NPAS2: variants seen among roughly 807,000 people sequenced by gnomAD.
NPAS2 encodes the protein neuronal PAS domain protein 2.
Under a neutral mutation model 107.5 loss-of-function variants are expected in NPAS2, and 23 were observed. That is an observed-to-expected ratio of 0.21 (90% CI 0.15 to 0.30). NPAS2 has a LOEUF of 0.30. NPAS2 is among the 10% of genes least tolerant of loss of function. The pLI, the probability that NPAS2 is intolerant of heterozygous loss-of-function variation, is 1.00. For missense variants in NPAS2, 756 were observed against 1,043.3 expected, an observed-to-expected ratio of 0.72 and a Z score of 3.79; for synonymous variants, 403 against 417.5, an observed-to-expected ratio of 0.97 and a Z score of 0.42.
At position 100,937,840 on chromosome 2, in the gene NPAS2, C is replaced by G. The variant is rs1684429968; in HGVS notation, c.361C>G (p.Pro121Ala). 2 of 1,611,058 alleles carry G rather than the reference C, an allele frequency of 1.2e-6. No individual in the cohort carries two copies. The highest frequency in any genetic ancestry group is 1.7e-6 in the Non-Finnish European group (2 of 1,177,190). ...DSITPLLGHL[P>A]SDVMDQNLLN... ...TATCACGCCTCTCCTTGGGCATTTA[C>G]CGGTGAGTTTCCACTCCAATGGCCT... The change falls in exon 5 of 21, where the codon CCG (proline) becomes GCG (alanine). Residue 121 changes from proline to alanine, a missense_variant and splice_region_variant. Coordinates refer to ENST00000335681, the MANE Select transcript of NPAS2 (RefSeq NM_002518.4).
intron 7 of NPAS2, among the ~76,000 whole-genome samples, chr2:100,954,674 AAAAAAAG>A (rs1407974466): frequency 1.9e-4 from 23 of 123,002 alleles, no homozygotes; most frequent in African/African-American, 6.5e-4. Flanking sequence ...CAAAAAAAAA[AAAAAAAG>A]AAAAAAAAGA....
chr2:100,924,770 G>A (rs1322800787), intron 2 of NPAS2, among the ~76,000 whole-genome samples: 1 of 152,190 alleles, frequency 6.6e-6, no homozygotes, highest in Non-Finnish European at 1.5e-5. Flanking sequence ...GGATTGAAGG[G>A]GACTTGGTTT....
intron 1 of NPAS2, chr2:100,878,419 G>A (rs759492119): frequency 9.1e-6 from 9 of 985,290 alleles, no homozygotes; most frequent in Non-Finnish European, 9.6e-6. Context: ...TCTTTCCAGC[G>A]TTGGACAAGG....
Position 100,947,126 on chromosome 2 carries a change from G to T in NPAS2, c.364-1109G>T, listed in dbSNP as rs560886556. Among the ~76,000 whole-genome samples, 3 of 152,338 alleles carry T rather than the reference G, an allele frequency of 2.0e-5. No homozygotes were observed. In the East Asian group the frequency reaches 5.8e-4, roughly 29 times the overall value. ...GTGTATACAGATTGTGTTTGAAGCT[G>T]TGAGAGTGGATGGGTTTATTGAGGG... On this transcript the variant is annotated intron_variant, in intron 5 of 20. Coordinates refer to ENST00000335681, the MANE Select transcript of NPAS2 (RefSeq NM_002518.4).
At chr2:100,841,868 C>T (rs1677430131) in intron 1 of NPAS2, among the ~76,000 whole-genome samples, 1 of 152,294 alleles carries the variant, frequency 6.6e-6, no homozygotes, top group East Asian at 1.9e-4. Context: ...TACACATGCA[C>T]ATATGCGCAT....
intron 8 of NPAS2, 134 bp downstream of exon 8, chr2:100,964,310 T>C (rs62152898): frequency 0.018 from 12,813 of 725,662 alleles, 139 homozygotes; most frequent in Non-Finnish European, 0.025. Flanking sequence ...TCGAAGTGTC[T>C]GGCTTCTGTG....
chr2:100,916,928 G>A (rs995112284), intron 2 of NPAS2, among the ~76,000 whole-genome samples: 14 of 152,080 alleles, frequency 9.2e-5, no homozygotes. Context: ...GTAATCCATG[G>A]GTCAAAGAGA....
At chr2:100,861,840 A>G (rs1369205654) in intron 1 of NPAS2, among the ~76,000 whole-genome samples, 1 of 152,212 alleles carries the variant, frequency 6.6e-6, no homozygotes. Flanking sequence ...TGGTATGTGT[A>G]TCAAGAAAAA....
chr2:100,832,163 G>A (rs889254150), intron 1 of NPAS2, among the ~76,000 whole-genome samples: 8 of 152,118 alleles, frequency 5.3e-5, no homozygotes, highest in Non-Finnish European at 1.2e-4. Flanking sequence ...AGGCACATCG[G>A]CATTCTATCA....
rs1353044188 is a variant in NPAS2 at position 100,995,686 on chromosome 2, T to A, written c.*104T>A. The stretch of plus-strand genomic sequence containing the variant: ...GTCTGAACTAAACCCCTGGCTTTTG[T>A]GCACACTGCATACGTTTCAGAACTC... On this transcript the variant is annotated 3_prime_UTR_variant, in exon 21 of 21. Transcript: ENST00000335681. 2 of 1,550,056 alleles carry A rather than the reference T, an allele frequency of 1.3e-6. No individual in the cohort carries two copies. The highest frequency in any genetic ancestry group is 1.7e-6 in the Non-Finnish European group (2 of 1,147,578).
At chr2:100,970,962 C>T (rs1558924225) in intron 11 of NPAS2, 28 bp from the exon 12 acceptor site, 1 of 1,605,778 alleles carries the variant, frequency 6.2e-7, no homozygotes, top group African/African-American at 1.3e-5. Context: ...GCCCCATCTC[C>T]ACTGTGGTCT....
chr2:100,976,428 G>A lies in NPAS2; in HGVS notation c.1392+861G>A, dbSNP rs986997861. Among the ~76,000 whole-genome samples the A allele has an allele frequency of 2.0e-5, 3 of 152,110 alleles. No homozygotes were observed. The highest frequency in any genetic ancestry group is 7.2e-5 in the African/African-American group (3 of 41,432). Reference sequence around the variant, plus strand: ...AGACCTCTGTGACCTAGCCACGGAAGTCATATAGTATCACCACTGCCATAC... The same window carrying A: ...AGACCTCTGTGACCTAGCCACGGAAATCATATAGTATCACCACTGCCATAC... On this transcript the variant is annotated intron_variant, in intron 14 of 20. Coordinates refer to ENST00000335681, the MANE Select transcript of NPAS2 (RefSeq NM_002518.4). The surrounding 1 kb of genome is among the most constrained non-coding windows in gnomAD (Gnocchi z 4.1).
rs1442347686 is a variant in NPAS2, at chr2:100,820,919, T to C, written c.-23+505T>C. The C allele has an allele frequency of 1.5e-6, 1 of 653,218 alleles. No individual in the cohort carries two copies. The highest frequency in any genetic ancestry group is 7.2e-5 in the East Asian group (1 of 13,796). The allele number at this position is 653,218 out of a possible 1,614,324, so 40.5% of individuals were successfully genotyped here. ...GGTCGGAATTGGTTCCGGGCCGGATTGGGTGCGGAATCGGTGCCCCCAACC... is the reference window on the plus strand; with the variant it reads ...GGTCGGAATTGGTTCCGGGCCGGATCGGGTGCGGAATCGGTGCCCCCAACC... On this transcript the variant is annotated intron_variant, in intron 1 of 20. Transcript: ENST00000335681. This position sits in a 1 kb window ranked among gnomAD's most constrained non-coding sequence, Gnocchi z 5.6.
In NPAS2 at chr2:100,964,888, G is replaced by C; in HGVS notation, c.745G>C (p.Glu249Gln). Reference sequence around the variant, plus strand: ...AATGTGCATAGTTGACGAACCTTTAGAGGAATTCACTTCAAGGCATAGCTT... The same window carrying C: ...AATGTGCATAGTTGACGAACCTTTACAGGAATTCACTTCAAGGCATAGCTT... ...KEMCIVDEPLEEFTSRHSLEW... is the reference protein window; with the variant it reads ...KEMCIVDEPLQEFTSRHSLEW... Residue 249 changes from glutamate (E) to glutamine (Q), a missense_variant, in exon 9 of 21, where the codon GAG (glutamate) becomes CAG (glutamine). Coordinates refer to ENST00000335681, the MANE Select transcript of NPAS2 (RefSeq NM_002518.4). 3.2e-6 allele frequency: 5 copies of C among 1,576,092 alleles called. No homozygotes were observed. The highest frequency in any genetic ancestry group is 4.3e-6 in the Non-Finnish European group (5 of 1,170,300).
intron 14 of NPAS2, chr2:100,977,048 A>AAAAACCACTAG (rs1432367769): frequency 6.6e-6 from 1 of 152,118 alleles, no homozygotes; most frequent in Admixed American, 6.5e-5. Context: ...TAAAAAAAAA[A>AAAAACCACTAG]AAAACCACTA....
In NPAS2 at chr2:100,968,575, G is replaced by T. The variant is rs779317046; in HGVS notation, c.1055+147G>T. On this transcript the variant is annotated intron_variant, in intron 11 of 20. Transcript: ENST00000335681. This position sits in a 1 kb window ranked among gnomAD's most constrained non-coding sequence, Gnocchi z 5.3. ...GATGAAGCCCAGGCCATCCCCTGCC[G>T]TTAACAGCACAATTCCCAGAGCTCA... is the stretch of plus-strand genomic sequence containing the variant. 2 of 730,632 alleles carry T rather than the reference G, an allele frequency of 2.7e-6. No individual in the cohort carries two copies. 45.3% of individuals were successfully genotyped at this position (730,632 alleles called of 1,614,324 possible). A position where few individuals can be genotyped will look rare whatever the true frequency, so the allele number is the denominator to read the frequency against.
In NPAS2 at chr2:100,974,889, G is replaced by A. The variant is rs116479799; in HGVS notation, c.1227G>A (p.Ser409=). ...ASGLNTSHSP[S]ASSRSSHKSS... ...GCCTTAATACCAGTCATTCGCCATCGGCGTCCTCAAGAAGTTCCCACAAAT... is the reference window on the plus strand; with the variant it reads ...GCCTTAATACCAGTCATTCGCCATCAGCGTCCTCAAGAAGTTCCCACAAAT... Residue 409 remains serine (S), a synonymous_variant, in exon 13 of 21, where the codon TCG becomes TCA. Coordinates refer to ENST00000335681, the MANE Select transcript of NPAS2 (RefSeq NM_002518.4). 1.3e-3 allele frequency: 2,043 copies of A among 1,614,016 alleles called. 24 individuals are homozygous for A. The African/African-American group carries it at 0.023, about 18-fold the overall frequency.
At chr2:100,827,387 T>G (rs1676453921) in intron 1 of NPAS2, among the ~76,000 whole-genome samples, 1 of 152,200 alleles carries the variant, frequency 6.6e-6, no homozygotes, top group African/African-American at 2.4e-5. Flanking sequence ...TCTTTTAATT[T>G]TTTCGACTTT....
intron 1 of NPAS2, among the ~76,000 whole-genome samples, chr2:100,851,503 A>C (rs1377105436): frequency 9.2e-5 from 14 of 152,226 alleles, no homozygotes; most frequent in Admixed American, 9.2e-4. Context: ...ACTCAAGGAA[A>C]GGCTTTACTA....
Sources: allele counts gnomAD v4.1 joint callset (sites outside exome capture counted in the v4.1 genomes callset), GRCh38; gene constraint gnomAD v4.1.1; non-coding constraint Gnocchi (gnomAD v3.1); transcripts MANE v1.5; gene names NCBI Gene and HGNC (gene_info 2026-07-23, HGNC 2026-07-21).